The following PRKG1 variants were observed in gnomAD, a reference collection of about 807,000 sequenced individuals.
The protein encoded by PRKG1 is protein kinase cGMP-dependent 1, also known as cGMP-dependent protein kinase 1.
In PRKG1, 35 loss-of-function variants were observed where a neutral mutation model predicts 88.1. That is an observed-to-expected ratio of 0.40 (90% confidence interval 0.30 to 0.53). The LOEUF is 0.53. Ranked by LOEUF, PRKG1 falls within the 20% of genes least tolerant of loss-of-function variation. The pLI, the probability that PRKG1 is intolerant of heterozygous loss-of-function variation, is 0.59. For synonymous variants in PRKG1, 303 were observed against 292.5 expected (o/e 1.04, Z -0.37); for missense variants, 540 against 839.8 (o/e 0.64, Z 4.41).
chr10:51,017,209 T>C (rs1047268000), intron 1 of PRKG1, among the ~76,000 whole-genome samples: 1 of 152,170 alleles, frequency 6.6e-6, no homozygotes, highest in African/African-American at 2.4e-5. Flanking sequence ...TGTGCTCCTG[T>C]AGCACCCTTT....
chr10:52,031,168 A>G (rs922675973), intron 5 of PRKG1, among the ~76,000 whole-genome samples: 1 of 152,200 alleles, frequency 6.6e-6, no homozygotes, highest in Non-Finnish European at 1.5e-5. Context: ...ATTTATTCCA[A>G]CGCTGTTGCC....
chr10:51,316,418 TCA>T (rs1227220297), intron 2 of PRKG1, among the ~76,000 whole-genome samples: 7 of 152,192 alleles, frequency 4.6e-5, no homozygotes, highest in African/African-American at 1.7e-4. Context: ...GCGCAGTGGC[TCA>T]CGCCTGTAAT....
At chr10:51,734,424 T>C (rs890939154) in intron 3 of PRKG1, among the ~76,000 whole-genome samples, 7 of 152,208 alleles carry the variant, frequency 4.6e-5, no homozygotes, top group East Asian at 1.9e-4. Context: ...TATTTTATTT[T>C]ATTTTTATTT....
intron 2 of PRKG1, among the ~76,000 whole-genome samples, chr10:51,410,418 G>A (rs1838053534): frequency 1.3e-5 from 2 of 151,896 alleles, no homozygotes; most frequent in African/African-American, 2.4e-5. Flanking sequence ...TGATATTCGA[G>A]GGCAGGAAGC....
intron 1 of PRKG1, among the ~76,000 whole-genome samples, chr10:50,999,731 T>C (rs1283765709): frequency 6.6e-6 from 1 of 152,268 alleles, no homozygotes; most frequent in Non-Finnish European, 1.5e-5. Flanking sequence ...TTTTTCTTGA[T>C]GCTTCTCATT....
intron 3 of PRKG1, among the ~76,000 whole-genome samples, chr10:51,539,674 A>G (rs962333879): frequency 2.0e-5 from 3 of 152,128 alleles, no homozygotes; most frequent in Admixed American, 6.6e-5. Context: ...ATTATATTTA[A>G]TATATTGATG....
intron 9 of PRKG1, among the ~76,000 whole-genome samples, chr10:52,235,445 G>A (rs1589722236): frequency 1.4e-5 from 2 of 145,152 alleles, no homozygotes; most frequent in African/African-American, 2.6e-5. Context: ...GACACACATA[G>A]GCTCAAAATA....
At chr10:51,445,471 T>A (rs1839244196) in intron 2 of PRKG1, among the ~76,000 whole-genome samples, 1 of 151,916 alleles carries the variant, frequency 6.6e-6, no homozygotes, top group Non-Finnish European at 1.5e-5. Context: ...AAACCATTTT[T>A]CCATACTTTA....
intron 5 of PRKG1, among the ~76,000 whole-genome samples, chr10:51,967,161 A>T (rs961628091): frequency 2.6e-5 from 4 of 152,226 alleles, no homozygotes; most frequent in Non-Finnish European, 5.9e-5. Flanking sequence ...GAACCAACCC[A>T]AATGTCCAAT....
intron 3 of PRKG1, among the ~76,000 whole-genome samples, chr10:51,609,093 T>TTTA (rs949849593): frequency 1.1e-4 from 16 of 152,052 alleles, no homozygotes; most frequent in Middle Eastern, 3.4e-3. Flanking sequence ...CTTTAATTTA[T>TTTA]TTATTATTAT....
At chr10:52,085,613 T>C (rs948968569) in intron 7 of PRKG1, among the ~76,000 whole-genome samples, 2 of 152,176 alleles carry the variant, frequency 1.3e-5, no homozygotes, top group Non-Finnish European at 2.9e-5. Context: ...CTGTCTCAAC[T>C]TTGGAGTCAA....
At chr10:51,936,160 C>A (rs1380293879) in intron 5 of PRKG1, among the ~76,000 whole-genome samples, 1 of 151,880 alleles carries the variant, frequency 6.6e-6, no homozygotes, top group Non-Finnish European at 1.5e-5. Context: ...AATATTATCC[C>A]TTCTGTTCAA....
At chr10:51,979,872 T>G (rs1011992839) in intron 5 of PRKG1, among the ~76,000 whole-genome samples, 9 of 152,088 alleles carry the variant, frequency 5.9e-5, no homozygotes, top group Non-Finnish European at 1.3e-4. Flanking sequence ...TATTTGGATC[T>G]TCTCTCTTTT....
In PRKG1 at chr10:51,037,279, C is replaced by T. The variant is rs115003133; in HGVS notation, c.266+45635C>T. On this transcript the variant is annotated intron_variant, in intron 1 of 17. Transcript: ENST00000401604. ...CCTGGGCAACATAGCGAGACCTCCC[C>T]GCCAACCCCCAATCTATGCAAAAAA... 8.6e-3 allele frequency among the ~76,000 whole-genome samples: 1,285 copies of T among 150,232 alleles called. 11 individuals are homozygous for T. Among genetic ancestry groups the T allele is most frequent in the African/African-American group, 0.029 (1,182 of 40,904 alleles).
chr10:52,214,570 A>G (rs1326161691), intron 9 of PRKG1, among the ~76,000 whole-genome samples: 3 of 152,152 alleles, frequency 2.0e-5, no homozygotes, highest in African/African-American at 7.2e-5. Context: ...AAGTACAATT[A>G]CTCTTGGAAA....
At chr10:51,744,864 A>C (rs949572965) in intron 3 of PRKG1, among the ~76,000 whole-genome samples, 4 of 152,216 alleles carry the variant, frequency 2.6e-5, no homozygotes, top group Admixed American at 6.5e-5. Context: ...ATTAATCTGC[A>C]AAACAGCTAC....
intron 1 of PRKG1, among the ~76,000 whole-genome samples, chr10:51,011,811 A>G (rs1047377439): frequency 4.3e-4 from 66 of 152,352 alleles, no homozygotes; most frequent in African/African-American, 1.6e-3. Flanking sequence ...GTTCATGGCT[A>G]TCAGTCTATT....
chr10:52,211,864 TA>T (rs1444529899), intron 9 of PRKG1, among the ~76,000 whole-genome samples: 1 of 151,668 alleles, frequency 6.6e-6, no homozygotes, highest in Non-Finnish European at 1.5e-5. Flanking sequence ...TTTCTATACT[TA>T]AAAAAAATAG....
At chr10:51,140,392 T>G (rs907139251) in intron 1 of PRKG1, among the ~76,000 whole-genome samples, 6 of 152,210 alleles carry the variant, frequency 3.9e-5, no homozygotes, top group Non-Finnish European at 7.4e-5. Flanking sequence ...AAAAAATGCT[T>G]GTTGAATGAA....
Sources: allele counts gnomAD v4.1 joint callset (sites outside exome capture counted in the v4.1 genomes callset), GRCh38; gene constraint gnomAD v4.1.1; transcripts MANE v1.5; gene names NCBI Gene and HGNC (gene_info 2026-07-23, HGNC 2026-07-21).